Variants in ASIC2 observed in about 807,000 individuals in gnomAD.
The protein encoded by ASIC2 is acid sensing ion channel subunit 2, also known as acid-sensing ion channel 2.
A neutral mutation model predicts 57.3 loss-of-function variants in ASIC2; 25 were observed. The ratio of observed to expected loss-of-function variants is 0.44; its 90% CI spans 0.32 to 0.61. The LOEUF (loss-of-function observed/expected upper bound fraction) is 0.61, where lower values mean the gene tolerates loss of function less well. ASIC2 is among the 20% of genes least tolerant of loss of function. ASIC2 has a pLI of 0.06. For synonymous variants in ASIC2, 319 were observed against 307.5 expected (o/e 1.04, Z -0.39); for missense variants, 641 against 738.1 (o/e 0.87, Z 1.52).
Position 33,971,096 on chromosome 17 carries a change from A to C in ASIC2, c.555+184882T>G, listed in dbSNP as rs11080244. On this transcript the variant is annotated intron_variant, in intron 1 of 9. Transcript: ENST00000359872. ...TCCAGGATGCGTGTGCAATGCGCAC[A>C]CCACTCAAAGGGCACACAGTGGCAC... Among the ~76,000 whole-genome samples the C allele has an allele frequency of 3.3e-5, 5 of 151,766 alleles. No individual in the cohort carries two copies. The South Asian group carries it at 1.0e-3, about 31-fold the overall frequency.
At chr17:33,062,243 AT>A (rs2092023816) in intron 3 of ASIC2, among the ~76,000 whole-genome samples, 1 of 151,938 alleles carries the variant, frequency 6.6e-6, no homozygotes, top group Non-Finnish European at 1.5e-5. Flanking sequence ...AGTTCTTTTA[AT>A]TGTGATGTTA....
intron 1 of ASIC2, among the ~76,000 whole-genome samples, chr17:33,975,613 G>A (rs1597957988): frequency 6.6e-6 from 1 of 152,072 alleles, no homozygotes; most frequent in African/African-American, 2.4e-5. Context: ...AAATAGTAAA[G>A]AGAGTTCCAG....
chr17:33,105,702 A>T (rs1418822457), intron 2 of ASIC2, among the ~76,000 whole-genome samples: 1 of 152,220 alleles, frequency 6.6e-6, no homozygotes, highest in Non-Finnish European at 1.5e-5. Context: ...AGATGGGGGA[A>T]GTTTGGAAAT....
intron 1 of ASIC2, among the ~76,000 whole-genome samples, chr17:33,343,494 T>C (rs917745161): frequency 6.6e-6 from 1 of 152,218 alleles, no homozygotes; most frequent in Non-Finnish European, 1.5e-5. Context: ...GGTTTTCGCA[T>C]GTGTCCAAAT....
At chr17:33,567,769 C>T (rs1288689849) in intron 1 of ASIC2, among the ~76,000 whole-genome samples, 1 of 151,982 alleles carries the variant, frequency 6.6e-6, no homozygotes, top group Non-Finnish European at 1.5e-5. Flanking sequence ...AGGTAGAGGT[C>T]AAGAGCTGGG....
intron 3 of ASIC2, 62 bp downstream of exon 3, chr17:33,088,801 T>A: frequency 6.6e-7 from 1 of 1,513,034 alleles, no homozygotes; most frequent in Non-Finnish European, 8.8e-7. Context: ...CTCCTCCTTG[T>A]GCCTCTGCAG....
At position 33,239,007 on chromosome 17, in the gene ASIC2, AAAAC is replaced by A. The variant is rs200716725; in HGVS notation, c.708+52397_708+52400del. 0.012 allele frequency among the ~76,000 whole-genome samples: 1,870 copies of A among 151,684 alleles called. 54 individuals are homozygous for A. The East Asian group carries it at 0.12, about 10-fold the overall frequency. Reference sequence around the variant, plus strand: ...TGACAGAGAGAGACTCTGTCTCAAAAAAACAAACAAACAAACAAACAAAAAGTCT... The same window carrying A: ...TGACAGAGAGAGACTCTGTCTCAAAAAAACAAACAAACAAACAAAAAGTCT... On this transcript the variant is annotated intron_variant, in intron 1 of 9. Transcript: ENST00000225823.
At chr17:33,535,274 C>CTTT (rs1312834562) in intron 1 of ASIC2, among the ~76,000 whole-genome samples, 2 of 138,550 alleles carry the variant, frequency 1.4e-5, no homozygotes, top group African/African-American at 2.7e-5. Flanking sequence ...AATGTCGCTT[C>CTTT]TTTTTTTTTT....
intron 1 of ASIC2, among the ~76,000 whole-genome samples, chr17:33,174,108 A>T (rs1905641184): frequency 6.6e-6 from 1 of 152,156 alleles, no homozygotes; most frequent in Non-Finnish European, 1.5e-5. Context: ...CATTTAGGAA[A>T]GTTCAACCAG....
chr17:34,028,978 A>C lies in ASIC2; in HGVS notation c.555+127000T>G, dbSNP rs770831658. On this transcript the variant is annotated intron_variant, in intron 1 of 9. Transcript: ENST00000359872. ...ATAGGCTTTTCTCATTGCCTGGAAT[A>C]CTCTTCTTTAGATAGCCTTGTAGCT... Among the ~76,000 whole-genome samples the C allele has an allele frequency of 7.6e-4, 116 of 151,980 alleles. 1 individual carries two copies. Among genetic ancestry groups the C allele is most frequent in the Middle Eastern group, 6.8e-3 (2 of 292 alleles).
chr17:34,152,169 C>T (rs1464314132), intron 1 of ASIC2, among the ~76,000 whole-genome samples: 1 of 152,116 alleles, frequency 6.6e-6, no homozygotes, highest in Non-Finnish European at 1.5e-5. Flanking sequence ...CACAATGCCT[C>T]TAACAAGATC....
At chr17:34,148,011 C>T (rs1475156225) in intron 1 of ASIC2, among the ~76,000 whole-genome samples, 1 of 152,124 alleles carries the variant, frequency 6.6e-6, no homozygotes, top group Non-Finnish European at 1.5e-5. Flanking sequence ...TTCACTTTAC[C>T]AAAATTTTGT....
At position 33,275,242 on chromosome 17, in the gene ASIC2, C is replaced by A. The variant is rs536832562; in HGVS notation, c.708+16166G>T. Among the ~76,000 whole-genome samples the A allele has an allele frequency of 2.0e-5, 3 of 152,314 alleles. No individual in the cohort carries two copies. The South Asian group carries it at 6.2e-4, about 32-fold the overall frequency. On this transcript the variant is annotated intron_variant, in intron 1 of 9. Coordinates refer to ENST00000225823, the MANE Select transcript of ASIC2 (RefSeq NM_183377.2). ...CCTGATCCCCGCCTCCCACACAATT[C>A]CCCTCCCACCCAGAAGTCATATACC...
chr17:33,555,836 C>A (rs1263392573), intron 1 of ASIC2, among the ~76,000 whole-genome samples: 2 of 152,108 alleles, frequency 1.3e-5, no homozygotes, highest in East Asian at 3.9e-4. Flanking sequence ...AGTACATTTT[C>A]AAGGGATACA....
intron 1 of ASIC2, among the ~76,000 whole-genome samples, chr17:33,407,501 G>A (rs1910511941): frequency 6.6e-6 from 1 of 152,060 alleles, no homozygotes; most frequent in African/African-American, 2.4e-5. Flanking sequence ...CCATCCTCCT[G>A]ATACTCCCAT....
At chr17:33,907,582 G>T (rs1347399423) in intron 1 of ASIC2, among the ~76,000 whole-genome samples, 1 of 152,130 alleles carries the variant, frequency 6.6e-6, no homozygotes, top group East Asian at 1.9e-4. Context: ...GAGCCCACCA[G>T]GCTCATCTCA....
chr17:33,629,570 A>G (rs1433219408), intron 1 of ASIC2, among the ~76,000 whole-genome samples: 1 of 152,168 alleles, frequency 6.6e-6, no homozygotes, highest in Non-Finnish European at 1.5e-5. Context: ...TTGGCTCTTG[A>G]TTTGGTGAGT....
intron 1 of ASIC2, among the ~76,000 whole-genome samples, chr17:33,564,625 C>T (rs16968588): frequency 0.085 from 12,923 of 152,330 alleles, 1,425 homozygotes; most frequent in African/African-American, 0.26. Context: ...ATGCACACCT[C>T]GAAGTGCCAG....
chr17:33,369,213 C>T (rs1450545942), intron 1 of ASIC2, among the ~76,000 whole-genome samples: 2 of 152,158 alleles, frequency 1.3e-5, no homozygotes, highest in Non-Finnish European at 2.9e-5. Flanking sequence ...ATAGACCCCA[C>T]TTCCCTAAGA....
Sources: allele counts gnomAD v4.1 joint callset (sites outside exome capture counted in the v4.1 genomes callset), GRCh38; gene constraint gnomAD v4.1.1; transcripts MANE v1.5; gene names NCBI Gene and HGNC (gene_info 2026-07-23, HGNC 2026-07-21).